CFAP299: variants seen among roughly 807,000 people sequenced by gnomAD.
The protein encoded by CFAP299 is cilia- and flagella-associated protein 299.
CFAP299 carries 21 observed loss-of-function variants against 27.0 expected under a neutral mutation model. That is an observed-to-expected ratio of 0.78 (90% CI 0.55 to 1.12). The LOEUF (loss-of-function observed/expected upper bound fraction) is 1.12. Among genes scored for constraint, CFAP299 ranks in the 50% most tolerant of loss-of-function variants. The probability of loss-of-function intolerance (pLI) is 0.00; values close to 1 mark genes in which losing one functional copy is unlikely to be tolerated. For missense variants in CFAP299, 310 were observed against 276.6 expected (o/e 1.12, Z -0.86); for synonymous variants, 104 against 98.1 (o/e 1.06, Z -0.36).
chr4:80,638,168 T>C (rs1315598376), intron 3 of CFAP299, among the ~76,000 whole-genome samples: 1 of 152,138 alleles, frequency 6.6e-6, no homozygotes, highest in Non-Finnish European at 1.5e-5. Flanking sequence ...ACATGGCTGG[T>C]AGACCAGAAA....
At chr4:80,955,878 T>A (rs1414594536) in intron 5 of CFAP299, among the ~76,000 whole-genome samples, 1 of 152,108 alleles carries the variant, frequency 6.6e-6, no homozygotes, top group East Asian at 1.9e-4. Context: ...CATGCACCTA[T>A]AATCCCAGAT....
chr4:80,572,507 GTTTTTT>G (rs550414533), intron 2 of CFAP299, among the ~76,000 whole-genome samples: 9 of 36,388 alleles, frequency 2.5e-4, no homozygotes, highest in Non-Finnish European at 4.1e-4. Flanking sequence ...CTGGATCCCA[GTTTTTT>G]TTTTTTTTTT....
intron 1 of CFAP299, among the ~76,000 whole-genome samples, chr4:80,361,786 A>G (rs151162457): frequency 2.6e-4 from 39 of 152,286 alleles, no homozygotes; most frequent in Non-Finnish European, 4.0e-4. Flanking sequence ...GTTTGAATAG[A>G]CTGTTAACTA....
intron 3 of CFAP299, among the ~76,000 whole-genome samples, chr4:80,602,160 A>G (rs1447584826): frequency 6.6e-6 from 1 of 152,176 alleles, no homozygotes; most frequent in Non-Finnish European, 1.5e-5. Flanking sequence ...ACAAATGCCC[A>G]TGACACAAAT....
At position 80,894,778 on chromosome 4, in the gene CFAP299, ATG is replaced by A. The variant is rs1057252072; in HGVS notation, c.476+24650_476+24651del. Among the ~76,000 whole-genome samples, 13 of 151,672 alleles carry A rather than the reference ATG, an allele frequency of 8.6e-5. 1 individual carries two copies. The highest frequency in any genetic ancestry group is 3.2e-4 in the African/African-American group (13 of 41,218). On this transcript the variant is annotated intron_variant, in intron 4 of 5. Coordinates refer to ENST00000358105, the MANE Select transcript of CFAP299 (RefSeq NM_152770.3). ...TATTCACAGTTTCTAAGGTACAGAT[ATG>A]TGTGTGAGTGTGTGTGTGAGAGAGA...
rs368026210 is a variant in CFAP299, at chr4:80,811,212, G to A, written c.334-58781G>A. 2.6e-5 allele frequency among the ~76,000 whole-genome samples: 4 copies of A among 152,156 alleles called. No homozygotes were observed. In the East Asian group the frequency reaches 7.7e-4, roughly 29 times the overall value. On this transcript the variant is annotated intron_variant, in intron 3 of 5. Transcript: ENST00000358105. ...AATAATAGCAACTTTTCAGTGATAT[G>A]TAACATTGATACCAAGAAGCATATG...
At chr4:80,336,196 C>G (rs1578325870) in intron 1 of CFAP299, among the ~76,000 whole-genome samples, 1 of 152,356 alleles carries the variant, frequency 6.6e-6, no homozygotes. Flanking sequence ...CATTCCAAAG[C>G]CGCTCTCTGT....
chr4:80,900,118 A>G (rs1578223788), intron 4 of CFAP299, among the ~76,000 whole-genome samples: 1 of 68,886 alleles, frequency 1.5e-5, no homozygotes, highest in East Asian at 4.1e-4. Flanking sequence ...ATAAAAGTGG[A>G]AGAAAGTGTG....
At chr4:80,594,605 C>CATTTT (rs1247182340) in intron 3 of CFAP299, among the ~76,000 whole-genome samples, 2 of 151,870 alleles carry the variant, frequency 1.3e-5, no homozygotes, top group Non-Finnish European at 2.9e-5. Flanking sequence ...TATCATATAC[C>CATTTT]ATTTTATTTT....
intron 3 of CFAP299, among the ~76,000 whole-genome samples, chr4:80,662,841 T>A (rs537418597): frequency 6.6e-6 from 1 of 152,144 alleles, no homozygotes; most frequent in East Asian, 1.9e-4. Flanking sequence ...CAAAGACAAG[T>A]GGAGGAAAAC....
At chr4:80,847,039 T>G (rs1166646042) in intron 3 of CFAP299, among the ~76,000 whole-genome samples, 1 of 152,210 alleles carries the variant, frequency 6.6e-6, no homozygotes, top group African/African-American at 2.4e-5. Context: ...CATTTTGTTC[T>G]TGGAGTCTGA....
chr4:80,710,305 A>G (rs1263499671), intron 3 of CFAP299, among the ~76,000 whole-genome samples: 5 of 152,076 alleles, frequency 3.3e-5, no homozygotes, highest in African/African-American at 1.2e-4. Flanking sequence ...AAAGGAAATT[A>G]GATTTCTTCC....
chr4:80,633,234 G>C (rs1739306242), intron 3 of CFAP299, among the ~76,000 whole-genome samples: 1 of 152,182 alleles, frequency 6.6e-6, no homozygotes, highest in African/African-American at 2.4e-5. Context: ...GGATCACGAG[G>C]TCAGGAGTTT....
intron 3 of CFAP299, among the ~76,000 whole-genome samples, chr4:80,584,248 T>A (rs1036253596): frequency 6.6e-6 from 1 of 152,000 alleles, no homozygotes; most frequent in Non-Finnish European, 1.5e-5. Context: ...CTCAGAAATG[T>A]CAATGGAAAA....
At chr4:80,656,585 A>G (rs1358161415) in intron 3 of CFAP299, among the ~76,000 whole-genome samples, 1 of 152,194 alleles carries the variant, frequency 6.6e-6, no homozygotes, top group Non-Finnish European at 1.5e-5. Context: ...ATAGTATTCC[A>G]TGGTGTATAT....
At chr4:80,612,375 T>C (rs1738030133) in intron 3 of CFAP299, among the ~76,000 whole-genome samples, 1 of 152,070 alleles carries the variant, frequency 6.6e-6, no homozygotes, top group Non-Finnish European at 1.5e-5. Context: ...ATTTAATTTC[T>C]CTGGAAATGA....
At position 80,335,852 on chromosome 4, in the gene CFAP299, C is replaced by G; in HGVS notation, c.84C>G (p.Ile28Met). 2 of 1,612,454 alleles carry G rather than the reference C, an allele frequency of 1.2e-6. No homozygotes were observed. The highest frequency in any genetic ancestry group is 8.5e-7 in the Non-Finnish European group (1 of 1,178,412). ...NAYEDFLDSQ[I>M]TTVDLYYLED... ...ATGAAGATTTCCTGGACTCGCAGAT[C>G]ACTACTGTGGACTTGTACTACCTGG... Residue 28 changes from isoleucine to methionine, a missense_variant, in exon 1 of 6, where the codon ATC becomes ATG. Transcript: ENST00000358105.
At chr4:80,831,194 A>G (rs1156309814) in intron 3 of CFAP299, among the ~76,000 whole-genome samples, 1 of 152,130 alleles carries the variant, frequency 6.6e-6, no homozygotes, top group Admixed American at 6.6e-5. Context: ...TAGTTTTCAA[A>G]CATTTTACTG....
intron 2 of CFAP299, among the ~76,000 whole-genome samples, chr4:80,521,867 A>G (rs1027926226): frequency 6.6e-6 from 1 of 151,888 alleles, no homozygotes; most frequent in African/African-American, 2.4e-5. Flanking sequence ...CAATCTAAGT[A>G]TCCAATGGAC....
Sources: allele counts gnomAD v4.1 joint callset (sites outside exome capture counted in the v4.1 genomes callset), GRCh38; gene constraint gnomAD v4.1.1; transcripts MANE v1.5; gene names NCBI Gene and HGNC (gene_info 2026-07-23, HGNC 2026-07-21).